The following ANKS1B variants were observed in gnomAD, a reference collection of about 807,000 sequenced individuals.
ANKS1B encodes ankyrin repeat and sterile alpha motif domain containing 1B.
Under a neutral mutation model 148.3 loss-of-function variants are expected in ANKS1B, and 36 were observed. That is an observed-to-expected ratio of 0.24 (90% CI 0.19 to 0.32). The LOEUF is 0.32. Ranked by LOEUF, ANKS1B falls within the 10% of genes least tolerant of loss-of-function variation. The pLI, the probability that ANKS1B is intolerant of heterozygous loss-of-function variation, is 1.00. For missense variants in ANKS1B, 1,157 were observed against 1,542.6 expected, an observed-to-expected ratio of 0.75 and a Z score of 4.19; for synonymous variants, 542 against 560.8, an observed-to-expected ratio of 0.97 and a Z score of 0.47.
intron 9 of ANKS1B, among the ~76,000 whole-genome samples, chr12:99,577,855 G>C (rs2097533471): frequency 6.6e-6 from 1 of 152,054 alleles, no homozygotes; most frequent in Non-Finnish European, 1.5e-5. Context: ...AAGGAGGAGG[G>C]ACTCCTTCCT....
chr12:98,776,961 C>G (rs964748798), intron 24 of ANKS1B, among the ~76,000 whole-genome samples: 2 of 152,164 alleles, frequency 1.3e-5, no homozygotes, highest in Non-Finnish European at 2.9e-5. Context: ...GAAGCTGAGG[C>G]AGAAATATTG....
intron 1 of ANKS1B, among the ~76,000 whole-genome samples, chr12:99,914,506 T>G (rs1381936628): frequency 2.0e-5 from 3 of 152,218 alleles, no homozygotes; most frequent in African/African-American, 7.2e-5. Flanking sequence ...CATCTATCAA[T>G]TCAGGGCATG....
At chr12:98,851,685 G>A (rs759481832) in intron 17 of ANKS1B, among the ~76,000 whole-genome samples, 2 of 151,954 alleles carry the variant, frequency 1.3e-5, no homozygotes, top group Non-Finnish European at 2.9e-5. Flanking sequence ...GTGTATACTC[G>A]GTAAATACAA....
At chr12:98,839,279 A>G (rs2099392602) in intron 17 of ANKS1B, among the ~76,000 whole-genome samples, 1 of 152,214 alleles carries the variant, frequency 6.6e-6, no homozygotes, top group Admixed American at 6.5e-5. Flanking sequence ...AAAGAAGAAA[A>G]AATATCGAGT....
chr12:98,858,336 C>T (rs938478820), intron 17 of ANKS1B, among the ~76,000 whole-genome samples: 3 of 152,232 alleles, frequency 2.0e-5, no homozygotes, highest in East Asian at 3.9e-4. Context: ...GTAAGAGAGG[C>T]TTCTTTTATT....
At chr12:99,590,256 A>ACCCC (rs200158798) in intron 9 of ANKS1B, among the ~76,000 whole-genome samples, 2 of 131,592 alleles carry the variant, frequency 1.5e-5, no homozygotes, top group Non-Finnish European at 1.6e-5. Context: ...ACCCACACCC[A>ACCCC]CCCACACACA....
intron 20 of ANKS1B, among the ~76,000 whole-genome samples, chr12:98,805,494 G>A (rs1022724049): frequency 6.6e-6 from 1 of 152,144 alleles, no homozygotes; most frequent in African/African-American, 2.4e-5. Context: ...CTATAAATCT[G>A]TAGTCTGGGT....
chr12:99,088,323 G>T (rs1477052057), intron 15 of ANKS1B, among the ~76,000 whole-genome samples: 1 of 152,082 alleles, frequency 6.6e-6, no homozygotes, highest in Non-Finnish European at 1.5e-5. Flanking sequence ...GGGCAAACTT[G>T]GCTAAGTCAT....
At chr12:98,942,102 A>G (rs1247613981) in intron 17 of ANKS1B, among the ~76,000 whole-genome samples, 1 of 151,954 alleles carries the variant, frequency 6.6e-6, no homozygotes, top group African/African-American at 2.4e-5. Context: ...TTAGCCGGGC[A>G]TGGTGGTATG....
intron 12 of ANKS1B, among the ~76,000 whole-genome samples, chr12:99,322,451 C>T (rs1438168460): frequency 6.9e-6 from 1 of 144,968 alleles, no homozygotes; most frequent in Non-Finnish European, 1.5e-5. Context: ...CCTGCACACT[C>T]TGTATATGTA....
intron 17 of ANKS1B, among the ~76,000 whole-genome samples, chr12:98,901,616 A>G (rs139228345): frequency 6.6e-5 from 10 of 152,348 alleles, no homozygotes; most frequent in African/African-American, 2.4e-4. Flanking sequence ...CAGGGTTTTC[A>G]ATTTCGCAAA....
rs912513027 is a variant in ANKS1B at position 98,927,904 on chromosome 12, CAAG to C, written c.2779-95771_2779-95769del. ...AAAGAAGAGCAAATTAAACCTAAAG[CAAG>C]AAGAAGAAAGGAAATAATAAAAATA... is the stretch of plus-strand genomic sequence containing the variant. On this transcript the variant is annotated intron_variant, in intron 17 of 26. Coordinates refer to ENST00000683438, the MANE Select transcript of ANKS1B (RefSeq NM_001352186.2). 8.6e-4 allele frequency among the ~76,000 whole-genome samples: 130 copies of C among 150,678 alleles called. 1 individual carries two copies. Among genetic ancestry groups the C allele is most frequent in the Non-Finnish European group, 1.9e-4 (13 of 67,496 alleles).
At chr12:98,896,038 G>T (rs1460428908) in intron 17 of ANKS1B, among the ~76,000 whole-genome samples, 5 of 152,036 alleles carry the variant, frequency 3.3e-5, no homozygotes, top group African/African-American at 1.2e-4. Context: ...CTTAGTCTGG[G>T]GTAACAACCG....
intron 14 of ANKS1B, among the ~76,000 whole-genome samples, chr12:99,227,030 T>C (rs545270733): frequency 6.6e-6 from 1 of 152,122 alleles, no homozygotes; most frequent in Non-Finnish European, 1.5e-5. Context: ...ACTGTTAAGG[T>C]AGGGTGATAT....
intron 1 of ANKS1B, among the ~76,000 whole-genome samples, chr12:99,905,977 A>G (rs1272741798): frequency 6.6e-6 from 1 of 152,228 alleles, no homozygotes; most frequent in Non-Finnish European, 1.5e-5. Flanking sequence ...GATGAATCCA[A>G]GAATAGCTGA....
At chr12:99,771,901 T>C (rs556971622) in intron 8 of ANKS1B, among the ~76,000 whole-genome samples, 1 of 152,104 alleles carries the variant, frequency 6.6e-6, no homozygotes, top group Non-Finnish European at 1.5e-5. Context: ...GTTCTCATAA[T>C]GGACAGTCAC....
At chr12:99,244,207 G>T (rs1367115095) in intron 14 of ANKS1B, 135 bp downstream of exon 14, 3 of 616,374 alleles carry the variant, frequency 4.9e-6, no homozygotes, top group African/African-American at 3.8e-5. Flanking sequence ...ATTGTTGTTA[G>T]ATCTGAGAGT....
intron 8 of ANKS1B, among the ~76,000 whole-genome samples, chr12:99,700,900 A>G (rs1375872400): frequency 1.3e-5 from 2 of 152,160 alleles, no homozygotes; most frequent in African/African-American, 2.4e-5. Context: ...CTTAATGACT[A>G]CAGAGCAGTC....
At chr12:99,363,848 A>G (rs921523079) in intron 12 of ANKS1B, among the ~76,000 whole-genome samples, 18 of 152,282 alleles carry the variant, frequency 1.2e-4, no homozygotes, top group African/African-American at 4.1e-4. Flanking sequence ...ACAGAAGCCA[A>G]CTTACATGTA....
Sources: gnomAD v4.1 joint callset for allele counts (sites outside exome capture counted in the v4.1 genomes callset) on GRCh38, gnomAD v4.1.1 for gene constraint, MANE v1.5 for transcripts, NCBI Gene and HGNC (gene_info 2026-07-23, HGNC 2026-07-21) for gene names.